ABCC9: variants seen among roughly 807,000 people sequenced by gnomAD.
ABCC9 encodes the protein ATP-binding cassette sub-family C member 9.
In ABCC9, 95 loss-of-function variants were observed where a neutral mutation model predicts 188.3. That is an observed-to-expected ratio of 0.50 (90% confidence interval 0.43 to 0.60). The LOEUF (loss-of-function observed/expected upper bound fraction) is 0.60, where lower values mean the gene tolerates loss of function less well. Ranked by LOEUF, ABCC9 falls within the 20% of genes least tolerant of loss-of-function variation. The pLI is 0.00. For synonymous variants in ABCC9, 659 were observed against 652.7 expected, an observed-to-expected ratio of 1.01 and a Z score of -0.15; for missense variants, 1,102 against 1,876.3, an observed-to-expected ratio of 0.59 and a Z score of 7.62.
chr12:21,809,565 C>T (rs192151430), intron 37 of ABCC9, among the ~76,000 whole-genome samples: 169 of 152,108 alleles, frequency 1.1e-3, no homozygotes, highest in African/African-American at 3.7e-3. Context: ...GGGAAACATC[C>T]ATTACAATGA....
rs2638441 is a variant in ABCC9, at chr12:21,817,085, C to T, written c.3892+102G>A. The stretch of plus-strand genomic sequence containing the variant: ...AAGATATGAGAGAGTTTTCTGGATA[C>T]TGAAGTGGAAAGCAAAAGCAGAAAC... On this transcript the variant is annotated intron_variant, in intron 33 of 39. Coordinates refer to ENST00000261200, the MANE Select transcript of ABCC9 (RefSeq NM_020297.4). 247,182 of 1,314,190 alleles carry T rather than the reference C, an allele frequency of 0.19. 25,512 individuals carry two copies. Among genetic ancestry groups the T allele is most frequent in the African/African-American group, 0.33 (22,610 of 68,548 alleles). The allele number at this position is 1,314,190 out of a possible 1,614,324, so 81.4% of individuals were successfully genotyped here. A position where few individuals can be genotyped will look rare whatever the true frequency, so the allele number is the denominator to read the frequency against.
At chr12:21,901,763 A>C (rs1468211282) in intron 12 of ABCC9, among the ~76,000 whole-genome samples, 1 of 152,206 alleles carries the variant, frequency 6.6e-6, no homozygotes, top group African/African-American at 2.4e-5. Context: ...ACTATCCTAA[A>C]TATATATGCA....
At chr12:21,904,827 C>T (rs1480934628) in intron 12 of ABCC9, among the ~76,000 whole-genome samples, 3 of 152,038 alleles carry the variant, frequency 2.0e-5, no homozygotes, top group African/African-American at 4.8e-5. Context: ...TTACACTGTT[C>T]GTGGGACTAT....
At chr12:21,880,222 C>T (rs1946553262) in intron 16 of ABCC9, among the ~76,000 whole-genome samples, 1 of 152,012 alleles carries the variant, frequency 6.6e-6, no homozygotes, top group Admixed American at 6.6e-5. Flanking sequence ...ATCCCTACTT[C>T]ATACTAAACA....
chr12:21,862,848 A>G (rs1592098286), intron 20 of ABCC9, 105 bp downstream of exon 20: 3 of 770,852 alleles, frequency 3.9e-6, no homozygotes, highest in Non-Finnish European at 6.7e-6. Context: ...CCAGCAGGAA[A>G]GAAAATACCA....
At chr12:21,925,891 G>A in intron 5 of ABCC9, 51 bp downstream of exon 5, 1 of 1,574,420 alleles carries the variant, frequency 6.4e-7, no homozygotes, top group Non-Finnish European at 8.7e-7. Context: ...CCCTTTGGGG[G>A]GAAAAACAAA....
chr12:21,881,647 C>G (rs1946621815), intron 16 of ABCC9, among the ~76,000 whole-genome samples: 1 of 151,506 alleles, frequency 6.6e-6, no homozygotes, highest in South Asian at 2.1e-4. Context: ...TCTCTCATTC[C>G]TTATCTTTTC....
chr12:21,908,744 C>A (rs1344599118), intron 10 of ABCC9, among the ~76,000 whole-genome samples: 1 of 151,936 alleles, frequency 6.6e-6, no homozygotes, highest in Non-Finnish European at 1.5e-5. Flanking sequence ...CTTCAGAAAT[C>A]ACTTACTGAC....
intron 12 of ABCC9, among the ~76,000 whole-genome samples, chr12:21,905,057 A>G (rs2137828069): frequency 6.6e-6 from 1 of 152,380 alleles, no homozygotes; most frequent in African/African-American, 2.4e-5. Context: ...GACTGGATTA[A>G]GAAAATGTGG....
At chr12:21,881,899 A>G (rs1279807725) in intron 16 of ABCC9, among the ~76,000 whole-genome samples, 1 of 152,200 alleles carries the variant, frequency 6.6e-6, no homozygotes, top group Non-Finnish European at 1.5e-5. Flanking sequence ...GAGGCATAGT[A>G]ATTTGCCCAA....
intron 28 of ABCC9, 87 bp downstream of exon 28, chr12:21,844,396 T>G (rs1238891701): frequency 1.6e-5 from 18 of 1,117,594 alleles, no homozygotes; most frequent in Non-Finnish European, 2.5e-5. Flanking sequence ...CCTCTATTGT[T>G]AATAGGAATT....
chr12:21,911,974 G>T (rs1262905873), intron 8 of ABCC9, among the ~76,000 whole-genome samples: 1 of 151,904 alleles, frequency 6.6e-6, no homozygotes, highest in Non-Finnish European at 1.5e-5. Context: ...TGTTTCATAA[G>T]CTTACAACCT....
rs71053348 is a variant in ABCC9, at chr12:21,818,526, ATGTGTG to A, written c.3670-281_3670-276del. ...TATATAACTATATAGATATATATAT[ATGTGTG>A]TGTGTGTGTGTGTGTGTGTGTGTGT... On this transcript the variant is annotated intron_variant, in intron 31 of 39. Coordinates refer to ENST00000261200, the MANE Select transcript of ABCC9 (RefSeq NM_020297.4). Among the ~76,000 whole-genome samples the A allele has an allele frequency of 9.1e-3, 1,247 of 136,418 alleles. 11 individuals carry two copies. The highest frequency in any genetic ancestry group is 0.022 in the African/African-American group (796 of 36,316). The allele number at this position is 136,418 out of a possible 152,430, so 89.5% of individuals were successfully genotyped here.
chr12:21,910,331 A>AT lies in ABCC9; in HGVS notation c.1165-20_1165-19insA. On this transcript the variant is annotated intron_variant, in intron 9 of 39. Coordinates refer to ENST00000261200, the MANE Select transcript of ABCC9 (RefSeq NM_020297.4). ...TCATGGCCTACCAAAAAAAAAAAAAAGAGTACATAAAGCTCTAAACTTAAA... is the reference window on the plus strand; with the variant it reads ...TCATGGCCTACCAAAAAAAAAAAAAATGAGTACATAAAGCTCTAAACTTAAA... 1.3e-6 allele frequency: 2 copies of AT among 1,519,982 alleles called. No individual in the cohort carries two copies. The highest frequency in any genetic ancestry group is 1.8e-6 in the Non-Finnish European group (2 of 1,110,396). 94.2% of individuals were successfully genotyped at this position (1,519,982 alleles called of 1,614,324 possible). A position where few individuals can be genotyped will look rare whatever the true frequency, so the allele number is the denominator to read the frequency against.
At chr12:21,859,367 G>A (rs1260407569) in intron 22 of ABCC9, among the ~76,000 whole-genome samples, 2 of 152,114 alleles carry the variant, frequency 1.3e-5, no homozygotes, top group Non-Finnish European at 2.9e-5. Flanking sequence ...GGGCATCTAA[G>A]TCTCTTGGAC....
chr12:21,818,554 G>T (rs2137199082), intron 31 of ABCC9, among the ~76,000 whole-genome samples: 1 of 147,368 alleles, frequency 6.8e-6, no homozygotes, highest in South Asian at 2.1e-4. Flanking sequence ...GTGTGTGTGT[G>T]TGTGTGTGAT....
At chr12:21,884,871 A>G (rs1465084988) in intron 15 of ABCC9, among the ~76,000 whole-genome samples, 2 of 152,178 alleles carry the variant, frequency 1.3e-5, no homozygotes, top group Admixed American at 1.3e-4. Flanking sequence ...AGTACACTGC[A>G]TGAGAGGTTG....
At chr12:21,856,725 T>G (rs1244659493) in intron 22 of ABCC9, among the ~76,000 whole-genome samples, 3 of 151,274 alleles carry the variant, frequency 2.0e-5, no homozygotes, top group Admixed American at 1.3e-4. Context: ...TTTTAGTAGA[T>G]AGAAAGGAGG....
intron 31 of ABCC9, among the ~76,000 whole-genome samples, chr12:21,824,885 CTTCT>C (rs1201626061): frequency 6.6e-6 from 1 of 151,782 alleles, no homozygotes; most frequent in Non-Finnish European, 1.5e-5. Context: ...TTTCTCTTTT[CTTCT>C]TTATTAGTCT....
Sources: allele counts gnomAD v4.1 joint callset (sites outside exome capture counted in the v4.1 genomes callset), GRCh38; gene constraint gnomAD v4.1.1; transcripts MANE v1.5; gene names NCBI Gene and HGNC (gene_info 2026-07-23, HGNC 2026-07-21).